TMEM117: variants seen among roughly 807,000 people sequenced by gnomAD.
The protein encoded by TMEM117 is transmembrane protein 117.
In TMEM117, 27 loss-of-function variants were observed where a neutral mutation model predicts 52.4. That is an observed-to-expected ratio of 0.51 (90% CI 0.38 to 0.71). The LOEUF (loss-of-function observed/expected upper bound fraction) is 0.71, where lower values mean the gene tolerates loss of function less well. TMEM117 is among the 30% of genes least tolerant of loss of function. TMEM117 has a pLI of 0.00. For missense variants in TMEM117, 556 were observed against 630.5 expected (o/e 0.88, Z 1.26); for synonymous variants, 215 against 206.3 (o/e 1.04, Z -0.36).
chr12:43,896,285 A>G (rs1944200816), intron 2 of TMEM117, among the ~76,000 whole-genome samples: 1 of 152,236 alleles, frequency 6.6e-6, no homozygotes, highest in African/African-American at 2.4e-5. Context: ...CAGTGGAGAC[A>G]GTGTCTTCTA....
rs538311956 is a variant in TMEM117 at position 44,069,826 on chromosome 12, GA to G, written c.411-73696del. On this transcript the variant is annotated intron_variant, in intron 3 of 7. Coordinates refer to ENST00000266534, the MANE Select transcript of TMEM117 (RefSeq NM_032256.3). ...ATTGTTTTCTTTGATGCAGGTTTCT[GA>G]AATTGATTCAGCCTTTCCATGATGA... is the stretch of plus-strand genomic sequence containing the variant. Among the ~76,000 whole-genome samples, 85 of 152,306 alleles carry G rather than the reference GA, an allele frequency of 5.6e-4. 3 individuals carry two copies. The South Asian group carries it at 8.3e-3, about 15-fold the overall frequency.
intron 4 of TMEM117, among the ~76,000 whole-genome samples, chr12:44,203,902 A>T (rs1422976003): frequency 1.3e-5 from 2 of 152,196 alleles, no homozygotes; most frequent in Non-Finnish European, 2.9e-5. Flanking sequence ...TGTCATGTGC[A>T]GCTGAGAATA....
chr12:44,242,743 G>T (rs536823669), intron 5 of TMEM117, among the ~76,000 whole-genome samples: 4 of 146,644 alleles, frequency 2.7e-5, no homozygotes, highest in Admixed American at 6.9e-5. Flanking sequence ...ATATATTATA[G>T]TCTATCTATA....
chr12:44,305,331 T>G (rs1366420267), intron 6 of TMEM117, among the ~76,000 whole-genome samples: 2 of 152,010 alleles, frequency 1.3e-5, no homozygotes, highest in Non-Finnish European at 2.9e-5. Flanking sequence ...AAAAGAGCTT[T>G]TGTACAGAAA....
intron 2 of TMEM117, among the ~76,000 whole-genome samples, chr12:43,940,099 C>T (rs896714000): frequency 6.6e-6 from 1 of 152,204 alleles, no homozygotes; most frequent in African/African-American, 2.4e-5. Flanking sequence ...TGGGTATCAA[C>T]ATGACCCTTG....
chr12:44,226,668 G>A (rs1434006907), intron 5 of TMEM117, among the ~76,000 whole-genome samples: 2 of 152,064 alleles, frequency 1.3e-5, no homozygotes, highest in Admixed American at 6.6e-5. Context: ...ATTAGAGTGG[G>A]CCCTAGTCTG....
chr12:43,998,240 C>T (rs386471793), intron 3 of TMEM117, among the ~76,000 whole-genome samples: 5 of 152,174 alleles, frequency 3.3e-5, no homozygotes, highest in Admixed American at 6.5e-5. Context: ...ACAAAATCAT[C>T]CAGACATTGG....
intron 4 of TMEM117, among the ~76,000 whole-genome samples, chr12:44,179,735 T>A (rs574543066): frequency 1.3e-5 from 2 of 152,354 alleles, no homozygotes; most frequent in Admixed American, 1.3e-4. Context: ...CACCTGGGCA[T>A]CCCTCAATCC....
At chr12:44,358,195 G>C (rs1951677096) in intron 6 of TMEM117, among the ~76,000 whole-genome samples, 1 of 151,964 alleles carries the variant, frequency 6.6e-6, no homozygotes, top group Non-Finnish European at 1.5e-5. Context: ...GCAGTCAAAG[G>C]TTGAAAAACT....
chr12:44,250,336 C>T (rs557872884), intron 5 of TMEM117, among the ~76,000 whole-genome samples: 1 of 152,174 alleles, frequency 6.6e-6, no homozygotes, highest in Admixed American at 6.5e-5. Context: ...AGTCAGGAAA[C>T]GGTAGATACT....
chr12:44,295,978 C>T (rs1481840389), intron 5 of TMEM117, among the ~76,000 whole-genome samples: 2 of 152,114 alleles, frequency 1.3e-5, no homozygotes, highest in African/African-American at 4.8e-5. Context: ...TTGGCTTTGG[C>T]AGATATTGAC....
chr12:44,136,644 T>C (rs527847102), intron 3 of TMEM117, among the ~76,000 whole-genome samples: 1 of 152,284 alleles, frequency 6.6e-6, no homozygotes, highest in Non-Finnish European at 1.5e-5. Context: ...ATTGGTGCAC[T>C]AAATCATGTA....
chr12:44,289,086 T>C (rs926491519), intron 5 of TMEM117, among the ~76,000 whole-genome samples: 11 of 152,210 alleles, frequency 7.2e-5, no homozygotes, highest in Non-Finnish European at 1.2e-4. Flanking sequence ...CTTTTTCAGA[T>C]ATCACATGTA....
chr12:43,813,231 G>GTTTT, the TMEM117 span, among the ~76,000 whole-genome samples: 19 of 62,664 alleles, frequency 3.0e-4, 4 homozygotes, highest in African/African-American at 5.9e-4. Flanking sequence ...GTTTTCTCTT[G>GTTTT]TTTTTTTTTT....
the TMEM117 span, among the ~76,000 whole-genome samples, chr12:43,818,429 T>TG: frequency 7.6e-3 from 1,147 of 151,676 alleles, 12 homozygotes; most frequent in African/African-American, 0.025. Flanking sequence ...TGTTTTTTTT[T>TG]TGTGTTTTTT....
intron 3 of TMEM117, among the ~76,000 whole-genome samples, chr12:44,042,019 A>C (rs1946806048): frequency 6.6e-6 from 1 of 151,950 alleles, no homozygotes; most frequent in Admixed American, 6.5e-5. Context: ...GAGAGAAATA[A>C]AAAAGTCATC....
intron 2 of TMEM117, among the ~76,000 whole-genome samples, chr12:43,918,235 AAT>A (rs1342333066): frequency 6.6e-6 from 1 of 152,090 alleles, no homozygotes; most frequent in East Asian, 1.9e-4. Context: ...TTCTTAATAT[AAT>A]TACTGACAGT....
chr12:44,023,395 C>G (rs796832194), intron 3 of TMEM117, among the ~76,000 whole-genome samples: 12 of 151,842 alleles, frequency 7.9e-5, no homozygotes, highest in African/African-American at 1.7e-4. Flanking sequence ...CTGAGGAATC[C>G]CCACACTGAC....
intron 5 of TMEM117, among the ~76,000 whole-genome samples, chr12:44,261,042 T>G (rs1950314945): frequency 6.6e-6 from 1 of 152,254 alleles, no homozygotes; most frequent in Non-Finnish European, 1.5e-5. Flanking sequence ...TCTTGGATTT[T>G]TAAAATAGAT....
Sources: allele counts gnomAD v4.1 joint callset (sites outside exome capture counted in the v4.1 genomes callset), GRCh38; gene constraint gnomAD v4.1.1; transcripts MANE v1.5; gene names NCBI Gene and HGNC (gene_info 2026-07-23, HGNC 2026-07-21).